STK32B: variants seen among roughly 807,000 people sequenced by gnomAD.
STK32B encodes serine/threonine kinase 32B.
A neutral mutation model predicts 52.6 loss-of-function variants in STK32B; 43 were observed. The ratio of observed to expected loss-of-function variants is 0.82; its 90% CI spans 0.64 to 1.05. The LOEUF is 1.05. STK32B is among the 50% of genes least tolerant of loss of function. The probability of loss-of-function intolerance (pLI) is 0.00; values close to 1 mark genes in which losing one functional copy is unlikely to be tolerated. For missense variants in STK32B, 621 were observed against 534.6 expected, an observed-to-expected ratio of 1.16 and a Z score of -1.59; for synonymous variants, 238 against 204.3, an observed-to-expected ratio of 1.17 and a Z score of -1.41.
rs377170091 is a variant in STK32B at position 5,159,687 on chromosome 4, A to ATG, written c.109-8611_109-8610insGT. On this transcript the variant is annotated intron_variant, in intron 2 of 11. Coordinates refer to ENST00000282908, the MANE Select transcript of STK32B (RefSeq NM_018401.3). Reference sequence around the variant, plus strand: ...TGAATGTATATGAATATATATATGAATATATATGAATATATATGAATATAT... The same window carrying ATG: ...TGAATGTATATGAATATATATATGAATGTATATATGAATATATATGAATATAT... Among the ~76,000 whole-genome samples, 31 of 60,334 alleles carry ATG rather than the reference A, an allele frequency of 5.1e-4. 8 individuals are homozygous for ATG. The highest frequency in any genetic ancestry group is 1.8e-3 in the African/African-American group (30 of 16,492). 39.6% of individuals were successfully genotyped at this position (60,334 alleles called of 152,430 possible).
rs1720623047 is a variant in STK32B, at chr4:5,500,229, G to C, written c.*1146G>C. The C allele has an allele frequency of 6.6e-6, 1 of 152,210 alleles. No individual in the cohort carries two copies. The highest frequency in any genetic ancestry group is 2.4e-5 in the African/African-American group (1 of 41,436). 9.4% of individuals were successfully genotyped at this position (152,210 alleles called of 1,614,324 possible). On this transcript the variant is annotated 3_prime_UTR_variant, in exon 12 of 12. Transcript: ENST00000282908. ...CCTGCTGGCTACTAACTAACTGGGA[G>C]ACCTTAGGCAAAGCATGCAATCGCT...
the STK32B span, among the ~76,000 whole-genome samples, chr4:5,032,850 G>A: frequency 1.3e-5 from 2 of 152,114 alleles, no homozygotes; most frequent in East Asian, 1.9e-4. Context: ...TCCTTTAGAG[G>A]CCCAGTTTGA....
intron 2 of STK32B, among the ~76,000 whole-genome samples, chr4:5,165,481 T>C (rs1248303310): frequency 1.3e-5 from 2 of 152,144 alleles, no homozygotes. Flanking sequence ...CCGGGGACGC[T>C]ACACAGACTG....
intron 1 of STK32B, among the ~76,000 whole-genome samples, chr4:5,080,337 C>A (rs968946989): frequency 1.3e-5 from 2 of 152,210 alleles, no homozygotes; most frequent in African/African-American, 4.8e-5. Flanking sequence ...GCTGCTGTCA[C>A]ATTTGCTTTC....
the STK32B span, among the ~76,000 whole-genome samples, chr4:5,039,834 A>G: frequency 1.1e-4 from 16 of 152,334 alleles, no homozygotes; most frequent in South Asian, 2.9e-3. Flanking sequence ...CTTATTGTAC[A>G]TGTGGTCCAT....
chr4:5,287,715 A>T (rs1728645353), intron 3 of STK32B, among the ~76,000 whole-genome samples: 1 of 152,020 alleles, frequency 6.6e-6, no homozygotes, highest in Non-Finnish European at 1.5e-5. Flanking sequence ...ATGGTAGTAT[A>T]TTAAACATTG....
intron 1 of STK32B, among the ~76,000 whole-genome samples, chr4:5,065,347 A>G (rs968712371): frequency 3.9e-5 from 6 of 152,160 alleles, no homozygotes; most frequent in South Asian, 4.1e-4. Context: ...AAGAACTCAG[A>G]AACTTAGAAG....
chr4:5,456,355 G>A (rs1474084510), intron 7 of STK32B, among the ~76,000 whole-genome samples: 1 of 152,264 alleles, frequency 6.6e-6, no homozygotes, highest in Non-Finnish European at 1.5e-5. Context: ...GGCCATCTCA[G>A]CTCTGTCCAC....
chr4:5,268,541 GT>G (rs1560274126), intron 3 of STK32B, among the ~76,000 whole-genome samples: 26 of 6,788 alleles, frequency 3.8e-3, no homozygotes, highest in African/African-American at 0.036. Flanking sequence ...TTGGTGTGGT[GT>G]GTGTGTGTGT....
intron 5 of STK32B, among the ~76,000 whole-genome samples, chr4:5,405,798 C>T (rs993910720): frequency 1.3e-5 from 2 of 152,084 alleles, no homozygotes; most frequent in African/African-American, 4.8e-5. Flanking sequence ...CCCACCAGGC[C>T]CCTCTTCCAA....
At chr4:5,158,443 G>A (rs1334920699) in intron 2 of STK32B, among the ~76,000 whole-genome samples, 1 of 152,128 alleles carries the variant, frequency 6.6e-6, no homozygotes, top group Non-Finnish European at 1.5e-5. Context: ...CCTGCTTCCA[G>A]AAAGAGCTCC....
chr4:5,243,965 G>A (rs556902740), intron 3 of STK32B, among the ~76,000 whole-genome samples: 1 of 152,186 alleles, frequency 6.6e-6, no homozygotes, highest in East Asian at 1.9e-4. Flanking sequence ...TTGATGTGCT[G>A]CTGGATTCAG....
intron 4 of STK32B, among the ~76,000 whole-genome samples, chr4:5,375,351 G>A (rs996088299): frequency 3.9e-5 from 6 of 152,092 alleles, no homozygotes; most frequent in East Asian, 1.9e-4. Context: ...CTGCTTCCAC[G>A]GTGCTCTCTG....
intron 3 of STK32B, among the ~76,000 whole-genome samples, chr4:5,257,977 C>G (rs1726446235): frequency 6.6e-6 from 1 of 152,178 alleles, no homozygotes; most frequent in South Asian, 2.1e-4. Context: ...AAAAACAATA[C>G]AGCAGGGGAA....
chr4:5,223,808 C>A (rs1289604347), intron 3 of STK32B, among the ~76,000 whole-genome samples: 4 of 130,124 alleles, frequency 3.1e-5, no homozygotes, highest in African/African-American at 6.3e-5. Flanking sequence ...CAGAGCAAGA[C>A]TCCGTTTCAA....
chr4:5,192,907 C>T lies in STK32B; in HGVS notation c.260+24457C>T, dbSNP rs1721334917. ...AGCCCCTGGCACCCTCCGTTCCACTCTCTGCTTCTATGAGCATGACCTTTT... is the reference window on the plus strand; with the variant it reads ...AGCCCCTGGCACCCTCCGTTCCACTTTCTGCTTCTATGAGCATGACCTTTT... On this transcript the variant is annotated intron_variant, in intron 3 of 11. Transcript: ENST00000282908. Among the ~76,000 whole-genome samples the T allele has an allele frequency of 2.6e-5, 4 of 152,216 alleles. No individual in the cohort carries two copies. The South Asian group carries it at 8.3e-4, about 32-fold the overall frequency.
At chr4:5,387,273 G>A (rs1390550796) in intron 4 of STK32B, among the ~76,000 whole-genome samples, 2 of 152,208 alleles carry the variant, frequency 1.3e-5, no homozygotes, top group African/African-American at 4.8e-5. Flanking sequence ...TGCCACCAGT[G>A]TCTGTTGAAC....
intron 3 of STK32B, among the ~76,000 whole-genome samples, chr4:5,302,372 A>T (rs1016982485): frequency 6.6e-6 from 1 of 152,014 alleles, no homozygotes; most frequent in African/African-American, 2.4e-5. Context: ...TTCTTTTAAC[A>T]TCCTGTTTAG....
rs530799623 is a variant in STK32B at position 5,499,369 on chromosome 4, A to G, written c.*286A>G. Reference sequence around the variant, plus strand: ...ATTACAAGATTATGGGGAGAACCCAATTAGGTAGGAAACATGAAAAACCTT... The same window carrying G: ...ATTACAAGATTATGGGGAGAACCCAGTTAGGTAGGAAACATGAAAAACCTT... On this transcript the variant is annotated 3_prime_UTR_variant, in exon 12 of 12. Coordinates refer to ENST00000282908, the MANE Select transcript of STK32B (RefSeq NM_018401.3). 7 of 366,980 alleles carry G rather than the reference A, an allele frequency of 1.9e-5. No homozygotes were observed. The highest frequency in any genetic ancestry group is 3.4e-5 in the Non-Finnish European group (7 of 207,350). The allele number at this position is 366,980 out of a possible 1,614,324, so 22.7% of individuals were successfully genotyped here. A position where few individuals can be genotyped will look rare whatever the true frequency, so the allele number is the denominator to read the frequency against.
Sources: gnomAD v4.1 joint callset for allele counts (sites outside exome capture counted in the v4.1 genomes callset) on GRCh38, gnomAD v4.1.1 for gene constraint, MANE v1.5 for transcripts, NCBI Gene and HGNC (gene_info 2026-07-23, HGNC 2026-07-21) for gene names.